Variants in PHLDB2 observed in about 807,000 individuals in gnomAD.
PHLDB2 encodes the protein pleckstrin homology like domain family B member 2.
In PHLDB2, 71 loss-of-function variants were observed where a neutral mutation model predicts 123.6. The observed-to-expected ratio is 0.57, with a 90% CI of 0.47 to 0.70. PHLDB2 has a LOEUF of 0.70. Ranked by LOEUF, PHLDB2 falls within the 30% of genes least tolerant of loss-of-function variation. The pLI, the probability that PHLDB2 is intolerant of heterozygous loss-of-function variation, is 0.00. For missense variants in PHLDB2, 1,446 were observed against 1,519.5 expected, an observed-to-expected ratio of 0.95 and a Z score of 0.80; for synonymous variants, 547 against 541.6, an observed-to-expected ratio of 1.01 and a Z score of -0.14.
intron 1 of PHLDB2, among the ~76,000 whole-genome samples, chr3:111,864,829 A>C (rs2064991439): frequency 6.6e-6 from 1 of 152,238 alleles, no homozygotes; most frequent in Non-Finnish European, 1.5e-5. Context: ...GCCACTGTTT[A>C]TCGATGGCCT....
At chr3:111,941,873 A>G (rs2069916543) in intron 8 of PHLDB2, among the ~76,000 whole-genome samples, 1 of 152,144 alleles carries the variant, frequency 6.6e-6, no homozygotes, top group African/African-American at 2.4e-5. Context: ...TTCACATAGA[A>G]TTATAAGCCC....
intron 5 of PHLDB2, among the ~76,000 whole-genome samples, chr3:111,921,716 C>T (rs2107533917): frequency 6.6e-6 from 1 of 151,656 alleles, no homozygotes; most frequent in Non-Finnish European, 1.5e-5. Context: ...CATTCTCCTG[C>T]CTCAGCCTCC....
At chr3:111,750,949 A>T (rs1418727651) in intron 1 of PHLDB2, among the ~76,000 whole-genome samples, 4 of 33,718 alleles carry the variant, frequency 1.2e-4, no homozygotes, top group East Asian at 1.2e-3. Flanking sequence ...CTCTGTCTCA[A>T]AAAAAAAAAA....
chr3:111,933,047 G>A (rs1364692981), intron 6 of PHLDB2, among the ~76,000 whole-genome samples: 3 of 152,212 alleles, frequency 2.0e-5, no homozygotes, highest in Non-Finnish European at 4.4e-5. Context: ...AAGGTTGGCA[G>A]CGTTTAACAC....
chr3:111,778,942 A>G (rs1052339597), intron 1 of PHLDB2, among the ~76,000 whole-genome samples: 6 of 152,064 alleles, frequency 3.9e-5, no homozygotes, highest in African/African-American at 1.4e-4. Context: ...GATTCCCTTT[A>G]GCATCTATGT....
At chr3:111,816,445 G>A (rs575873704) in intron 1 of PHLDB2, among the ~76,000 whole-genome samples, 8 of 152,348 alleles carry the variant, frequency 5.3e-5, no homozygotes, top group African/African-American at 1.7e-4. Context: ...TGACCTGGAT[G>A]TAAGACATAG....
chr3:111,823,542 G>T (rs1018275301), intron 1 of PHLDB2, among the ~76,000 whole-genome samples: 8 of 152,170 alleles, frequency 5.3e-5, no homozygotes, highest in African/African-American at 1.9e-4. Context: ...AGTGGAATCT[G>T]CATGACATTC....
chr3:111,906,916 T>C (rs2067575077), intron 2 of PHLDB2, among the ~76,000 whole-genome samples: 1 of 152,152 alleles, frequency 6.6e-6, no homozygotes, highest in South Asian at 2.1e-4. Context: ...CAGAGTAAAG[T>C]GTTTTCCTGA....
At position 111,966,706 on chromosome 3, in the gene PHLDB2, A is replaced by G; in HGVS notation, c.3168+3A>G. On this transcript the variant is annotated splice_donor_region_variant and intron_variant, in intron 14 of 17. Transcript: ENST00000431670. ...AGACGCGGCTGCTCGAATCCAGGGTAAGCTTCATATTTTCATGCCGGAGGT... is the reference window on the plus strand; with the variant it reads ...AGACGCGGCTGCTCGAATCCAGGGTGAGCTTCATATTTTCATGCCGGAGGT... 1 of 1,610,744 alleles carries G rather than the reference A, an allele frequency of 6.2e-7. No homozygotes were observed. The highest frequency in any genetic ancestry group is 2.2e-5 in the East Asian group (1 of 44,708).
At chr3:111,881,612 T>C (rs965668980) in intron 1 of PHLDB2, among the ~76,000 whole-genome samples, 1 of 152,144 alleles carries the variant, frequency 6.6e-6, no homozygotes, top group African/African-American at 2.4e-5. Context: ...CATGATATAA[T>C]ATCATATTTT....
chr3:111,831,117 T>C (rs2063014790), intron 1 of PHLDB2, among the ~76,000 whole-genome samples: 1 of 151,910 alleles, frequency 6.6e-6, no homozygotes, highest in Non-Finnish European at 1.5e-5. Flanking sequence ...TTTTTAAAAA[T>C]CCCTACCTAT....
At chr3:111,854,457 C>T (rs905540088), upstream of PHLDB2, among the ~76,000 whole-genome samples, 9 of 152,102 alleles carry the variant, frequency 5.9e-5, no homozygotes, top group African/African-American at 9.7e-5. Context: ...AATATTAAAG[C>T]GAACTTCAGC....
intron 2 of PHLDB2, among the ~76,000 whole-genome samples, chr3:111,896,979 A>G (rs2066908525): frequency 6.6e-6 from 1 of 152,206 alleles, no homozygotes; most frequent in Non-Finnish European, 1.5e-5. Context: ...CAATGGTAAC[A>G]TCTTGCCAAA....
chr3:111,916,298 A>G (rs994624448), intron 3 of PHLDB2: 3 of 152,214 alleles, frequency 2.0e-5, no homozygotes, highest in African/African-American at 7.2e-5. Flanking sequence ...GAAAGAGTAC[A>G]AGTGAGCAGA....
intron 6 of PHLDB2, among the ~76,000 whole-genome samples, chr3:111,935,426 C>T (rs947563640): frequency 1.3e-5 from 2 of 151,790 alleles, no homozygotes; most frequent in African/African-American, 2.4e-5. Flanking sequence ...CTGCAATATC[C>T]TCATATATGA....
At chr3:111,960,139 T>A (rs2071309486) in intron 12 of PHLDB2, 2 of 849,444 alleles carry the variant, frequency 2.4e-6, no homozygotes. Flanking sequence ...GGAAACAACT[T>A]AAAAGGAGCA....
At chr3:111,732,700 C>T (rs556976424) in exon 1 of PHLDB2, 1 of 1,534,702 alleles carries the variant, frequency 6.5e-7, no homozygotes, top group South Asian at 1.2e-5. Flanking sequence ...AAGCAGCAGA[C>T]AAGGTAGGTG....
intron 1 of PHLDB2, among the ~76,000 whole-genome samples, chr3:111,735,595 GA>G (rs1358631256): frequency 1.1e-4 from 16 of 152,308 alleles, no homozygotes; most frequent in African/African-American, 3.8e-4. Context: ...TACAAATAGA[GA>G]TTGCATCACC....
At chr3:111,869,820 A>T (rs1445922053) in intron 1 of PHLDB2, among the ~76,000 whole-genome samples, 4 of 152,132 alleles carry the variant, frequency 2.6e-5, no homozygotes, top group African/African-American at 7.2e-5. Context: ...ATTAAAATAC[A>T]TTTCTTCCCA....
Sources: gnomAD v4.1 joint callset for allele counts (sites outside exome capture counted in the v4.1 genomes callset) on GRCh38, gnomAD v4.1.1 for gene constraint, MANE v1.5 for transcripts, NCBI Gene and HGNC (gene_info 2026-07-23, HGNC 2026-07-21) for gene names.